Variants in TNFSF8 observed in about 807,000 individuals in gnomAD.
TNFSF8 encodes tumor necrosis factor ligand superfamily member 8.
TNFSF8 carries 4 observed loss-of-function variants against 22.0 expected under a neutral mutation model. That is an observed-to-expected ratio of 0.18 (90% CI 0.09 to 0.42). TNFSF8 has a LOEUF of 0.42. Among genes scored for constraint, TNFSF8 ranks in the 10% least tolerant of loss-of-function variants. The pLI is 1.00. For missense variants in TNFSF8, 233 were observed against 281.8 expected, an observed-to-expected ratio of 0.83 and a Z score of 1.24; for synonymous variants, 106 against 112.5, an observed-to-expected ratio of 0.94 and a Z score of 0.37.
At chr9:114,897,038 G>A (rs902834378), downstream of TNFSF8, among the ~76,000 whole-genome samples, 2 of 152,100 alleles carry the variant, frequency 1.3e-5, no homozygotes, top group African/African-American at 4.8e-5. Context: ...GAGTAGCTGG[G>A]ATTACAGGCA....
rs142151853 is a variant in TNFSF8 at position 114,918,515 on chromosome 9, T to A, written c.196-377A>T. Among the ~76,000 whole-genome samples, 20 of 151,968 alleles carry A rather than the reference T, an allele frequency of 1.3e-4. 1 individual carries two copies. The East Asian group carries it at 3.7e-3, about 28-fold the overall frequency. ...CCCATGCTGGAGTGCAGTGGTATGATCATGGGTCACTGCAGCTTCATCCTC... is the reference window on the plus strand; with the variant it reads ...CCCATGCTGGAGTGCAGTGGTATGAACATGGGTCACTGCAGCTTCATCCTC... On this transcript the variant is annotated intron_variant, in intron 1 of 3. Coordinates refer to ENST00000223795, the MANE Select transcript of TNFSF8 (RefSeq NM_001244.4).
chr9:114,915,184 T>C lies in TNFSF8; in HGVS notation c.238+2912A>G, dbSNP rs1438674060. On this transcript the variant is annotated intron_variant, in intron 2 of 3. Coordinates refer to ENST00000223795, the MANE Select transcript of TNFSF8 (RefSeq NM_001244.4). The stretch of plus-strand genomic sequence containing the variant: ...TTTTTCAAAAGGGACAATTTACTGC[T>C]TCTGTGCCTGTTTAAGCTGGGTTCG... 2.0e-5 allele frequency among the ~76,000 whole-genome samples: 3 copies of C among 152,232 alleles called. No individual in the cohort carries two copies. In the East Asian group the frequency reaches 5.8e-4, roughly 29 times the overall value.
intron 2 of TNFSF8, among the ~76,000 whole-genome samples, chr9:114,911,856 A>G (rs1827855717): frequency 6.6e-6 from 1 of 152,072 alleles, no homozygotes; most frequent in African/African-American, 2.4e-5. Flanking sequence ...ATTCATTTAT[A>G]CTAAACACAG....
chr9:114,926,388 C>T (rs550104027), intron 1 of TNFSF8, among the ~76,000 whole-genome samples: 1 of 152,238 alleles, frequency 6.6e-6, no homozygotes, highest in East Asian at 1.9e-4. Context: ...AGAGATCGCG[C>T]CACTGCACTC....
At position 114,911,930 on chromosome 9, in the gene TNFSF8, G is replaced by T. The variant is rs138201652; in HGVS notation, c.239-6031C>A. Reference sequence around the variant, plus strand: ...TTAAAGTCTATAATTTAAAAGGAAAGGTGAGTCTGGAGACATAGGGTAAAT... The same window carrying T: ...TTAAAGTCTATAATTTAAAAGGAAATGTGAGTCTGGAGACATAGGGTAAAT... On this transcript the variant is annotated intron_variant, in intron 2 of 3. Coordinates refer to ENST00000223795, the MANE Select transcript of TNFSF8 (RefSeq NM_001244.4). 4.4e-3 allele frequency among the ~76,000 whole-genome samples: 671 copies of T among 152,254 alleles called. 6 individuals carry two copies. The highest frequency in any genetic ancestry group is 0.015 in the African/African-American group (636 of 41,558).
At chr9:114,914,303 C>A (rs545489061) in intron 2 of TNFSF8, among the ~76,000 whole-genome samples, 54 of 152,304 alleles carry the variant, frequency 3.5e-4, no homozygotes, top group African/African-American at 1.2e-3. Flanking sequence ...CTGGGATGTG[C>A]TACACTGCCC....
intron 2 of TNFSF8, among the ~76,000 whole-genome samples, chr9:114,906,688 CATA>C (rs1372596993): frequency 6.6e-6 from 1 of 152,118 alleles, no homozygotes; most frequent in East Asian, 1.9e-4. Context: ...CAGAGGCAAA[CATA>C]ATATTATGTT....
chr9:114,924,347 C>G (rs1289694078), intron 1 of TNFSF8, among the ~76,000 whole-genome samples: 1 of 152,104 alleles, frequency 6.6e-6, no homozygotes, highest in Non-Finnish European at 1.5e-5. Context: ...AACAAAAACA[C>G]AACAGCCATA....
At chr9:114,898,000 A>T (rs1182988363), downstream of TNFSF8, among the ~76,000 whole-genome samples, 1 of 125,906 alleles carries the variant, frequency 7.9e-6, no homozygotes, top group Non-Finnish European at 1.6e-5. Flanking sequence ...GGGGATAATG[A>T]TGCCTATTTT....
intron 2 of TNFSF8, among the ~76,000 whole-genome samples, chr9:114,906,561 C>T: frequency 6.6e-6 from 1 of 152,142 alleles, no homozygotes; most frequent in East Asian, 1.9e-4. Context: ...GGCCAGGTTT[C>T]CTGTTCTAGG....
chr9:114,913,984 G>C (rs1310560030), intron 2 of TNFSF8, among the ~76,000 whole-genome samples: 5 of 152,166 alleles, frequency 3.3e-5, no homozygotes, highest in Non-Finnish European at 2.9e-5. Context: ...TTGGTGGGGT[G>C]ATTTGTTATA....
Position 114,901,201 on chromosome 9 carries a change from G to A in TNFSF8, c.*2730C>T. On this transcript the variant is annotated 3_prime_UTR_variant, in exon 4 of 4. Transcript: ENST00000223795. ...GCATAGATATCATTTTACTCATGGA[G>A]TATCATTTGCTCATAACATTCCCAG... The A allele has an allele frequency of 1.0e-6, 1 of 985,432 alleles. No homozygotes were observed. The highest frequency in any genetic ancestry group is 1.2e-6 in the Non-Finnish European group (1 of 829,918). 61.0% of individuals were successfully genotyped at this position (985,432 alleles called of 1,614,324 possible).
chr9:114,908,874 GAA>G (rs1221956445), intron 2 of TNFSF8, among the ~76,000 whole-genome samples: 2 of 152,120 alleles, frequency 1.3e-5, no homozygotes, highest in African/African-American at 4.8e-5. Context: ...AGACCCCAGA[GAA>G]GGGCACAGCC....
At chr9:114,904,945 A>T (rs1274344252) in intron 3 of TNFSF8, among the ~76,000 whole-genome samples, 2 of 152,178 alleles carry the variant, frequency 1.3e-5, no homozygotes, top group Non-Finnish European at 2.9e-5. Flanking sequence ...AGGGCAGCCA[A>T]AAATAATTGT....
intron 1 of TNFSF8, 144 bp from the exon 2 acceptor site, chr9:114,918,282 G>A: frequency 1.6e-6 from 1 of 636,608 alleles, no homozygotes; most frequent in Non-Finnish European, 2.5e-6. Flanking sequence ...TTAATTCACT[G>A]ATGTAGTTTC....
intron 2 of TNFSF8, among the ~76,000 whole-genome samples, chr9:114,915,463 T>C (rs2131346088): frequency 6.6e-6 from 1 of 152,230 alleles, no homozygotes; most frequent in East Asian, 1.9e-4. Flanking sequence ...TCTCTGCAGA[T>C]TGCTGAATTA....
intron 1 of TNFSF8, among the ~76,000 whole-genome samples, chr9:114,925,710 AAG>A (rs1828048888): frequency 6.6e-6 from 1 of 152,146 alleles, no homozygotes; most frequent in Non-Finnish European, 1.5e-5. Flanking sequence ...TTTTTAAAAA[AAG>A]AATTTTTTTT....
intron 2 of TNFSF8, among the ~76,000 whole-genome samples, chr9:114,915,152 A>G (rs1388594910): frequency 1.3e-5 from 2 of 152,126 alleles, no homozygotes; most frequent in African/African-American, 4.8e-5. Context: ...AATGTCTTGC[A>G]ATGGCTTTTT....
intron 3 of TNFSF8, 70 bp downstream of exon 3, chr9:114,905,758 G>A (rs957644133): frequency 8.2e-7 from 1 of 1,226,036 alleles, no homozygotes; most frequent in African/African-American, 1.5e-5. Flanking sequence ...ATGACTTCTG[G>A]CTTAAAAGTT....
Sources: gnomAD v4.1 joint callset for allele counts (sites outside exome capture counted in the v4.1 genomes callset) on GRCh38, gnomAD v4.1.1 for gene constraint, MANE v1.5 for transcripts, NCBI Gene and HGNC (gene_info 2026-07-23, HGNC 2026-07-21) for gene names.